EYS: variants seen among roughly 807,000 people sequenced by gnomAD.
The protein encoded by EYS is EGF-like photoreceptor maintenance factor.
Under a neutral mutation model 282.1 loss-of-function variants are expected in EYS, and 250 were observed. The ratio of observed to expected loss-of-function variants is 0.89; its 90% confidence interval spans 0.80 to 0.98. The LOEUF (loss-of-function observed/expected upper bound fraction) is 0.98, where lower values mean the gene tolerates loss of function less well. Among genes scored for constraint, EYS ranks in the 50% least tolerant of loss-of-function variants. The probability of loss-of-function intolerance (pLI) is 0.00; values close to 1 mark genes in which losing one functional copy is unlikely to be tolerated. For synonymous variants in EYS, 1,355 were observed against 1,282.9 expected (o/e 1.06, Z -1.20); for missense variants, 4,016 against 3,709.0 (o/e 1.08, Z -2.15).
Position 64,626,157 on chromosome 6 carries a change from C to A in EYS, c.3532G>T (p.Asp1178Tyr), listed in dbSNP as rs1767602448. 1 of 1,546,728 alleles carries A rather than the reference C, an allele frequency of 6.5e-7. No individual in the cohort carries two copies. Among genetic ancestry groups the A allele is most frequent in the East Asian group, 2.4e-5 (1 of 40,836 alleles). Residue 1178 changes from aspartate (D) to tyrosine (Y), a missense_variant, in exon 23 of 43, where the codon GAT becomes TAT. Transcript: ENST00000503581. The part of the protein sequence containing the change: ...SPCLHGADCE[D>Y]HINGYVCKCQ... ...TTGCAAACATATCCATTGATGTGAT[C>A]TTCACAGTCTGCACCATGTAGACAT... is the stretch of plus-strand genomic sequence containing the variant.
chr6:63,984,454 T>C lies in EYS; in HGVS notation c.6984A>G (p.Gly2328=), dbSNP rs879057024. The change falls in exon 35 of 43, where the codon GGA becomes GGG. Residue 2328 remains glycine (G), a synonymous_variant. Transcript: ENST00000503581. The part of the protein sequence containing the change: ...EFFIIDEARH[G]KNIENCHVPW... The stretch of plus-strand genomic sequence containing the variant: ...GGACGTGGCAGTTCTCAATATTCTT[T>C]CCATGTCGTGCTTCATCGATGATGA... 2.6e-6 allele frequency: 4 copies of C among 1,549,702 alleles called. No homozygotes were observed. Among genetic ancestry groups the C allele is most frequent in the African/African-American group, 2.7e-5 (2 of 72,840 alleles).
intron 15 of EYS, among the ~76,000 whole-genome samples, chr6:64,935,537 G>A (rs1215832765): frequency 6.6e-6 from 1 of 151,236 alleles, no homozygotes; most frequent in Non-Finnish European, 1.5e-5. Context: ...TCTAAAACTG[G>A]TACTTTCCAA....
At chr6:64,463,623 CTT>C (rs1775827327) in intron 26 of EYS, among the ~76,000 whole-genome samples, 1 of 152,038 alleles carries the variant, frequency 6.6e-6, no homozygotes, top group Admixed American at 6.6e-5. Context: ...AGATGCATAA[CTT>C]AGTGGAAAAT....
At chr6:65,539,852 A>T (rs1476428169) in intron 2 of EYS, among the ~76,000 whole-genome samples, 1 of 152,210 alleles carries the variant, frequency 6.6e-6, no homozygotes, top group Non-Finnish European at 1.5e-5. Flanking sequence ...TCTGAAGTAT[A>T]GTCCTTCAAA....
At chr6:65,688,314 CA>C (rs1469276762) in intron 1 of EYS, among the ~76,000 whole-genome samples, 1 of 150,216 alleles carries the variant, frequency 6.7e-6, no homozygotes, top group African/African-American at 2.4e-5. Context: ...ACAAGGCTGA[CA>C]AAAACAAGAA....
chr6:64,940,785 A>G (rs904251666), intron 15 of EYS, among the ~76,000 whole-genome samples: 1 of 152,042 alleles, frequency 6.6e-6, no homozygotes, highest in Non-Finnish European at 1.5e-5. Flanking sequence ...CCTACTGTTG[A>G]ACAGTCTGCA....
At chr6:64,609,659 C>G (rs545499074) in intron 24 of EYS, among the ~76,000 whole-genome samples, 1 of 151,966 alleles carries the variant, frequency 6.6e-6, no homozygotes, top group South Asian at 2.1e-4. Flanking sequence ...TGAAGCAGGA[C>G]GGGTGCTTGA....
chr6:64,661,933 C>T (rs987591771), intron 22 of EYS, among the ~76,000 whole-genome samples: 6 of 150,188 alleles, frequency 4.0e-5, no homozygotes, highest in South Asian at 2.1e-4. Flanking sequence ...CACATGCACA[C>T]GTATGTTTAT....
chr6:65,216,793 T>C (rs1398491101), intron 12 of EYS, among the ~76,000 whole-genome samples: 1 of 151,870 alleles, frequency 6.6e-6, no homozygotes, highest in Non-Finnish European at 1.5e-5. Context: ...TAATATAATA[T>C]GTATACATAT....
intron 30 of EYS, among the ~76,000 whole-genome samples, chr6:64,297,977 CAAA>C (rs34562408): frequency 0.023 from 2,186 of 96,428 alleles, 54 homozygotes; most frequent in African/African-American, 0.078. Context: ...GATTCTGTCT[CAAA>C]AAAAAAAAAA....
intron 12 of EYS, among the ~76,000 whole-genome samples, chr6:65,289,501 A>G (rs16885967): frequency 0.043 from 6,513 of 151,190 alleles, 234 homozygotes; most frequent in African/African-American, 0.097. Context: ...GGTGGCATCA[A>G]AATACTGCTT....
chr6:64,984,818 T>C (rs1340340093), intron 14 of EYS, among the ~76,000 whole-genome samples: 1 of 151,446 alleles, frequency 6.6e-6, no homozygotes, highest in Non-Finnish European at 1.5e-5. Flanking sequence ...CCAGCAGCCT[T>C]ACTGTAGCAA....
In EYS at chr6:65,694,756, A is replaced by AC. The variant is rs1210713793; in HGVS notation, c.-448+12378_-448+12379insG. ...TGTTGTAGATTTAAAAAAAAAAAAA[A>AC]AACTTTGTAAAACCCTTAGCCATTT... On this transcript the variant is annotated intron_variant, in intron 1 of 42. Transcript: ENST00000503581. 4.3e-5 allele frequency among the ~76,000 whole-genome samples: 6 copies of AC among 139,628 alleles called. 1 individual carries two copies. Among genetic ancestry groups the AC allele is most frequent in the Non-Finnish European group, 7.9e-5 (5 of 63,202 alleles). The allele number at this position is 139,628 out of a possible 152,430, so 91.6% of individuals were successfully genotyped here.
chr6:64,862,345 G>T (rs1296857356), intron 19 of EYS, among the ~76,000 whole-genome samples: 1 of 152,108 alleles, frequency 6.6e-6, no homozygotes, highest in East Asian at 1.9e-4. Context: ...TCAATTATCT[G>T]GTGGACTTCA....
At chr6:65,060,211 A>T (rs1045895047) in intron 12 of EYS, among the ~76,000 whole-genome samples, 2 of 149,458 alleles carry the variant, frequency 1.3e-5, no homozygotes, top group Non-Finnish European at 3.0e-5. Flanking sequence ...AGGGTTTGAC[A>T]AGACACCTAC....
intron 13 of EYS, among the ~76,000 whole-genome samples, chr6:65,007,047 G>C (rs189110347): frequency 6.6e-6 from 1 of 152,294 alleles, no homozygotes; most frequent in Admixed American, 6.5e-5. Context: ...GCAATGTTAG[G>C]CATGCTGGTA....
intron 12 of EYS, among the ~76,000 whole-genome samples, chr6:65,167,035 A>T (rs1306420674): frequency 1.3e-5 from 2 of 151,246 alleles, no homozygotes; most frequent in African/African-American, 4.8e-5. Flanking sequence ...TTAAAAAAAG[A>T]TGTAACAACT....
chr6:64,320,740 T>G (rs1395079244), intron 29 of EYS, among the ~76,000 whole-genome samples: 1 of 151,872 alleles, frequency 6.6e-6, no homozygotes, highest in African/African-American at 2.4e-5. Context: ...CCATATTTAA[T>G]CATGTTTATT....
intron 13 of EYS, among the ~76,000 whole-genome samples, chr6:65,000,782 C>A (rs949246277): frequency 1.8e-4 from 27 of 152,164 alleles, no homozygotes; most frequent in Non-Finnish European, 3.7e-4. Context: ...CATTAAAAAA[C>A]AAACAAACCT....
Sources: allele counts gnomAD v4.1 joint callset (sites outside exome capture counted in the v4.1 genomes callset), GRCh38; gene constraint gnomAD v4.1.1; transcripts MANE v1.5; gene names NCBI Gene and HGNC (gene_info 2026-07-23, HGNC 2026-07-21).